The following HEATR5A variants were observed in gnomAD, a reference collection of about 807,000 sequenced individuals.
HEATR5A encodes HEAT repeat-containing protein 5A.
Under a neutral mutation model 218.8 loss-of-function variants are expected in HEATR5A, and 178 were observed. The ratio of observed to expected loss-of-function variants is 0.81; its 90% CI spans 0.72 to 0.92. The LOEUF (loss-of-function observed/expected upper bound fraction) is 0.92. Ranked by LOEUF, HEATR5A falls within the 40% of genes least tolerant of loss-of-function variation. HEATR5A has a pLI of 0.00. For missense variants in HEATR5A, 2,420 were observed against 2,418.9 expected, an observed-to-expected ratio of 1.00 and a Z score of -0.01; for synonymous variants, 864 against 871.6, an observed-to-expected ratio of 0.99 and a Z score of 0.15.
chr14:31,320,401 A>G, intron 25 of HEATR5A: 1 of 1,104,590 alleles, frequency 9.1e-7, no homozygotes, highest in Non-Finnish European at 1.4e-6. Context: ...AATCAGCCAC[A>G]CCAACTGTGG....
intron 14 of HEATR5A, among the ~76,000 whole-genome samples, chr14:31,359,837 CT>C (rs1452468121): frequency 4.0e-5 from 6 of 151,806 alleles, no homozygotes; most frequent in African/African-American, 7.2e-5. Context: ...ATGCCTGCCC[CT>C]ATCCCTTCCA....
At chr14:31,336,056 C>T (rs1447499895) in intron 22 of HEATR5A, among the ~76,000 whole-genome samples, 1 of 150,202 alleles carries the variant, frequency 6.7e-6, no homozygotes, top group African/African-American at 2.4e-5. Context: ...ACAGCAACCT[C>T]AAACTCCTGG....
At chr14:31,327,945 A>G in intron 22 of HEATR5A, among the ~76,000 whole-genome samples, 1 of 152,118 alleles carries the variant, frequency 6.6e-6, no homozygotes. Context: ...TATTATTAGT[A>G]GACTATTCTA....
intron 22 of HEATR5A, among the ~76,000 whole-genome samples, chr14:31,333,729 T>C (rs1900554100): frequency 6.6e-6 from 1 of 151,990 alleles, no homozygotes; most frequent in African/African-American, 2.4e-5. Flanking sequence ...ATCCCATGGT[T>C]CTTAAGGATT....
At chr14:31,364,045 ACTGAACT>A (rs1358191400) in intron 14 of HEATR5A, 137 bp downstream of exon 14, 2 of 515,204 alleles carry the variant, frequency 3.9e-6, no homozygotes, top group Non-Finnish European at 7.0e-6. Flanking sequence ...ATGGATTAGG[ACTGAACT>A]CCCTAAACCT....
chr14:31,385,986 C>G (rs539121265), intron 9 of HEATR5A, among the ~76,000 whole-genome samples: 1 of 152,168 alleles, frequency 6.6e-6, no homozygotes, highest in Non-Finnish European at 1.5e-5. Flanking sequence ...CCTCAGCCTC[C>G]CAAAGTGCTG....
At chr14:31,412,517 CAA>C (rs34167257) in intron 1 of HEATR5A, among the ~76,000 whole-genome samples, 2,878 of 134,958 alleles carry the variant, frequency 0.021, 76 homozygotes, top group East Asian at 0.073. Context: ...GACTCCATCT[CAA>C]AAAAAAAAAA....
At chr14:31,397,048 T>C (rs901150033) in intron 4 of HEATR5A, among the ~76,000 whole-genome samples, 2 of 152,208 alleles carry the variant, frequency 1.3e-5, no homozygotes, top group Non-Finnish European at 2.9e-5. Context: ...TTCTCCTTAA[T>C]CATTTTCTTC....
Position 31,313,187 on chromosome 14 carries a change from A to G in HEATR5A, c.4222T>C (p.Tyr1408His), listed in dbSNP as rs1453941192. 6.2e-7 allele frequency: 1 copy of G among 1,608,334 alleles called. No homozygotes were observed. The stretch of plus-strand genomic sequence containing the variant: ...TTATGTCTTTGCACAGCAATTATGT[A>G]GACCTGTTAAAGGTTAATTTAAAAA... ...LAVLKAWAEV[Y>H]IIAVQRHKNH... The change falls in exon 28 of 36, where the codon TAC (tyrosine) becomes CAC (histidine). Residue 1408 changes from tyrosine (Y) to histidine (H), a missense_variant. By Grantham distance (83) the Tyr-to-His change is moderately conservative. Coordinates refer to ENST00000543095, the MANE Select transcript of HEATR5A (RefSeq NM_015473.4).
At chr14:31,294,235 C>T in intron 34 of HEATR5A, 131 bp from the exon 35 acceptor site, 1 of 638,570 alleles carries the variant, frequency 1.6e-6, no homozygotes. Context: ...TTTGAAAGTC[C>T]AAGGGCCAAC....
chr14:31,295,882 T>C (rs770689720), intron 34 of HEATR5A, 27 bp downstream of exon 34: 2 of 1,604,556 alleles, frequency 1.2e-6, no homozygotes, highest in Non-Finnish European at 1.7e-6. Context: ...TCCTATTACA[T>C]ACATCTTTCT....
chr14:31,356,356 C>G (rs1466446985), intron 16 of HEATR5A, among the ~76,000 whole-genome samples: 1 of 152,178 alleles, frequency 6.6e-6, no homozygotes, highest in Non-Finnish European at 1.5e-5. Flanking sequence ...CCCACCTCAG[C>G]CTCCTCAGTA....
At chr14:31,397,048 T>A (rs901150033) in intron 4 of HEATR5A, among the ~76,000 whole-genome samples, 3 of 152,208 alleles carry the variant, frequency 2.0e-5, no homozygotes, top group Admixed American at 2.0e-4. Flanking sequence ...TTCTCCTTAA[T>A]CATTTTCTTC....
At position 31,349,952 on chromosome 14, in the gene HEATR5A, C is replaced by A; in HGVS notation, c.2545G>T (p.Gly849Cys). Reference protein sequence around the residue: ...KYVAGSKGCLGPEEMKRFALT... With the variant: ...KYVAGSKGCLCPEEMKRFALT... ...GCAAATCTTTTCATTTCTTCTGGAC[C>A]TAAACATCCCTTGGAGCCAGCCACG... The change falls in exon 18 of 36, where the codon GGT becomes TGT. Residue 849 changes from glycine to cysteine, a missense_variant. Gly to Cys is a radical substitution (Grantham distance 159). Transcript: ENST00000543095. 1 of 1,593,834 alleles carries A rather than the reference C, an allele frequency of 6.3e-7. No homozygotes were observed. The highest frequency in any genetic ancestry group is 8.5e-7 in the Non-Finnish European group (1 of 1,169,594).
At chr14:31,299,890 G>T (rs906729545) in intron 33 of HEATR5A, among the ~76,000 whole-genome samples, 11 of 151,404 alleles carry the variant, frequency 7.3e-5, no homozygotes, top group Admixed American at 2.0e-4. Context: ...AAAAAAATTA[G>T]CCAGGCCTGG....
At chr14:31,365,972 C>T (rs1333295946) in intron 13 of HEATR5A, among the ~76,000 whole-genome samples, 1 of 152,150 alleles carries the variant, frequency 6.6e-6, no homozygotes, top group Non-Finnish European at 1.5e-5. Context: ...GCCAACTGTA[C>T]TTTCTAGAAA....
At chr14:31,317,050 T>C (rs1431716885) in intron 26 of HEATR5A, among the ~76,000 whole-genome samples, 1 of 152,038 alleles carries the variant, frequency 6.6e-6, no homozygotes, top group East Asian at 1.9e-4. Flanking sequence ...TTAGTTCTTG[T>C]CTCATCTCAC....
intron 10 of HEATR5A, among the ~76,000 whole-genome samples, chr14:31,381,489 CCTAGGAGTGAG>C (rs781715584): frequency 6.9e-6 from 1 of 144,586 alleles, no homozygotes; most frequent in African/African-American, 2.6e-5. Flanking sequence ...TCAAGACCAG[CCTAGGAGTGAG>C]CTAGGATCAC....
intron 29 of HEATR5A, among the ~76,000 whole-genome samples, chr14:31,308,350 A>G (rs1405180049): frequency 1.3e-5 from 2 of 152,098 alleles, no homozygotes; most frequent in Non-Finnish European, 2.9e-5. Context: ...TCGACTAAAA[A>G]TACAAAATTA....
Sources: allele counts gnomAD v4.1 joint callset (sites outside exome capture counted in the v4.1 genomes callset), GRCh38; gene constraint gnomAD v4.1.1; transcripts MANE v1.5; gene names NCBI Gene and HGNC (gene_info 2026-07-23, HGNC 2026-07-21).